SLC39A5: variants seen among roughly 807,000 people sequenced by gnomAD.
SLC39A5 encodes the protein solute carrier family 39 member 5.
Under a neutral mutation model 46.9 loss-of-function variants are expected in SLC39A5, and 42 were observed. That is an observed-to-expected ratio of 0.90 (90% CI 0.70 to 1.16). The LOEUF (loss-of-function observed/expected upper bound fraction) is 1.16, where lower values mean the gene tolerates loss of function less well. Ranked by LOEUF, SLC39A5 falls within the 50% of genes most tolerant of loss-of-function variation. SLC39A5 has a pLI of 0.00. For missense variants in SLC39A5, 677 were observed against 686.8 expected (o/e 0.99, Z 0.16); for synonymous variants, 311 against 323.1 (o/e 0.96, Z 0.40).
intron 5 of SLC39A5, among the ~76,000 whole-genome samples, chr12:56,233,481 A>T (rs904396902): frequency 1.3e-4 from 20 of 151,868 alleles, no homozygotes; most frequent in East Asian, 3.9e-4. Flanking sequence ...AAAAAAATAA[A>T]AAAAAAATAT....
Position 56,236,585 on chromosome 12 carries a change from C to G in SLC39A5, c.1046C>G (p.Pro349Arg). 1 of 1,612,740 alleles carries G rather than the reference C, an allele frequency of 6.2e-7. No individual in the cohort carries two copies. The highest frequency in any genetic ancestry group is 1.1e-5 in the South Asian group (1 of 91,008). ...ALQPLQAAPE[P>R]GAQGQREKNS... Reference sequence around the variant, plus strand: ...TGTCCTGTGCTTCTTCCCGCAGAGCCAGGGGCTCAGGGCCAGAGGGAGAAG... The same window carrying G: ...TGTCCTGTGCTTCTTCCCGCAGAGCGAGGGGCTCAGGGCCAGAGGGAGAAG... The change falls in exon 10 of 13, where the codon CCA (proline) becomes CGA (arginine). Residue 349 changes from proline (P) to arginine (R), a missense_variant. By Grantham distance (103) the Pro-to-Arg change is moderately radical. Transcript: ENST00000454355.
chr12:56,232,654 C>T, intron 4 of SLC39A5, 35 bp from the exon 5 acceptor site: 1 of 1,563,876 alleles, frequency 6.4e-7, no homozygotes. Flanking sequence ...ATAGAGAACA[C>T]AAGGGAGGCT....
Position 56,236,582 on chromosome 12 carries a change from AGCCAGGG to A in SLC39A5, c.1046_1052del (p.Pro349LeufsTer52), listed in dbSNP as rs763290646. 4 of 1,612,836 alleles carry A rather than the reference AGCCAGGG, an allele frequency of 2.5e-6. No homozygotes were observed. The South Asian group carries it at 4.4e-5, about 18-fold the overall frequency. The stretch of plus-strand genomic sequence containing the variant: ...CACTGTCCTGTGCTTCTTCCCGCAG[AGCCAGGG>A]GCTCAGGGCCAGAGGGAGAAGAACA... On this transcript the variant is annotated frameshift_variant and splice_region_variant, in exon 10 of 13. Coordinates refer to ENST00000454355, the MANE Select transcript of SLC39A5 (RefSeq NM_173596.3). LOFTEE classifies it high-confidence loss of function.
intron 7 of SLC39A5, 25 bp downstream of exon 7, chr12:56,235,351 C>G: frequency 6.6e-7 from 1 of 1,507,744 alleles, no homozygotes; most frequent in East Asian, 2.3e-5. Context: ...TTCCTTGTAC[C>G]CCTGGCCTCC....
rs527862211 is a variant in SLC39A5 at position 56,237,012 on chromosome 12, G to A, written c.1288+1G>A. 5.6e-6 allele frequency: 9 copies of A among 1,614,102 alleles called. No homozygotes were observed. The South Asian group carries it at 8.8e-5, about 16-fold the overall frequency. ...TGCCATGAGCTGCCCCACGAACTGGGTAGGAATGGCAGGAGCAGGGTGGGG... is the reference window on the plus strand; with the variant it reads ...TGCCATGAGCTGCCCCACGAACTGGATAGGAATGGCAGGAGCAGGGTGGGG... On this transcript the variant is annotated splice_donor_variant, in intron 11 of 12. Coordinates refer to ENST00000454355, the MANE Select transcript of SLC39A5 (RefSeq NM_173596.3). LOFTEE classifies it high-confidence loss of function.
In SLC39A5 at chr12:56,232,732, C is replaced by T. The variant is rs776565193; in HGVS notation, c.331C>T (p.Pro111Ser). Reference sequence around the variant, plus strand: ...GAGTGTGGATGTCTGGGCAGGGATGCCTCTGGGTCCCTCAGGGTGGGGTGA... The same window carrying T: ...GAGTGTGGATGTCTGGGCAGGGATGTCTCTGGGTCCCTCAGGGTGGGGTGA... Reference protein sequence around the residue: ...ELSVDVWAGMPLGPSGWGDLE... With the variant: ...ELSVDVWAGMSLGPSGWGDLE... Residue 111 changes from proline (P) to serine (S), a missense_variant, in exon 5 of 13, where the codon CCT becomes TCT. By Grantham distance (74) the Pro-to-Ser change is moderately conservative. Coordinates refer to ENST00000454355, the MANE Select transcript of SLC39A5 (RefSeq NM_173596.3). 13 of 1,611,684 alleles carry T rather than the reference C, an allele frequency of 8.1e-6. No homozygotes were observed. The highest frequency in any genetic ancestry group is 1.0e-5 in the Non-Finnish European group (12 of 1,179,190).
chr12:56,233,028 G>A (rs1415789695), intron 5 of SLC39A5, among the ~76,000 whole-genome samples, 156 bp downstream of exon 5: 9 of 152,188 alleles, frequency 5.9e-5, no homozygotes, highest in African/African-American at 2.2e-4. Flanking sequence ...TTGGGAGGCC[G>A]AGGTGGGTGG....
In SLC39A5 at chr12:56,234,909, C is replaced by T. The variant is rs1307259690; in HGVS notation, c.557C>T (p.Pro186Leu). The part of the protein sequence containing the change: ...LTPRQFALLC[P>L]ALLYQIDSRV... ...CCTCGTCAGTTTGCTCTGCTGTGCC[C>T]AGCCCTGCTTTATCAGATCGACAGC... Residue 186 changes from proline (P) to leucine (L), a missense_variant, in exon 6 of 13, where the codon CCA (proline) becomes CTA (leucine). Transcript: ENST00000454355. 6.2e-7 allele frequency: 1 copy of T among 1,613,926 alleles called. No individual in the cohort carries two copies. The highest frequency in any genetic ancestry group is 1.7e-5 in the Admixed American group (1 of 60,030).
Position 56,235,584 on chromosome 12 carries a change from C to A in SLC39A5, c.829C>A (p.Pro277Thr), listed in dbSNP as rs768899468. ...PHAQEGRHAG[P>T]GGLPEKDLGP... The stretch of plus-strand genomic sequence containing the variant: ...GGCACAAGAAGGGCGGCACGCAGGA[C>A]CTGGCGGACTACCAGAGAAGGACCT... The change falls in exon 8 of 13, where the codon CCT (proline) becomes ACT (threonine). Residue 277 changes from proline to threonine, a missense_variant. Transcript: ENST00000454355. 1.4e-5 allele frequency: 23 copies of A among 1,613,990 alleles called. No individual in the cohort carries two copies. The Middle Eastern group carries it at 9.9e-4, about 69-fold the overall frequency.
At chr12:56,232,487 C>T (rs535912546) in intron 4 of SLC39A5, among the ~76,000 whole-genome samples, 50 of 152,180 alleles carry the variant, frequency 3.3e-4, no homozygotes, top group Admixed American at 9.8e-4. Context: ...TTTTGGTTGT[C>T]GTCCTTTTTT....
intron 3 of SLC39A5, 54 bp from the exon 4 acceptor site, chr12:56,231,150 T>C: frequency 9.1e-7 from 1 of 1,101,326 alleles, no homozygotes; most frequent in Non-Finnish European, 1.3e-6. Flanking sequence ...GGCTCCCCCA[T>C]GGACCTGAGC....
chr12:56,234,995 G>C lies in SLC39A5; in HGVS notation c.634+9G>C. On this transcript the variant is annotated intron_variant, in intron 6 of 12. Transcript: ENST00000454355. Reference sequence around the variant, plus strand: ...AGGGGATCTACTATCTGGTCAGCAAGTAGGAGTGGGTGGGGGACACCCTGA... The same window carrying C: ...AGGGGATCTACTATCTGGTCAGCAACTAGGAGTGGGTGGGGGACACCCTGA... The C allele has an allele frequency of 6.2e-7, 1 of 1,612,678 alleles. No homozygotes were observed. Among genetic ancestry groups the C allele is most frequent in the Non-Finnish European group, 8.5e-7 (1 of 1,179,950 alleles).
In SLC39A5 at chr12:56,237,195, T is replaced by G. The variant is rs145213363; in HGVS notation, c.1334T>G (p.Leu445Arg). 2.0e-5 allele frequency: 33 copies of G among 1,613,478 alleles called. No individual in the cohort carries two copies. The highest frequency in any genetic ancestry group is 4.0e-5 in the African/African-American group (3 of 74,918). The part of the protein sequence containing the change: ...LLQSGLSFRR[L>R]LLLSLVSGAL... ...CAGTCAGGGCTGTCCTTTCGGCGGC[T>G]GCTGCTGCTGAGCCTCGTGTCTGGA... The change falls in exon 12 of 13, where the codon CTG becomes CGG. Residue 445 changes from leucine to arginine, a missense_variant. By Grantham distance (102) the Leu-to-Arg change is moderately radical. Transcript: ENST00000454355.
In SLC39A5 at chr12:56,234,896, G is replaced by T. The variant is rs770543779; in HGVS notation, c.544G>T (p.Ala182Ser). 3.7e-6 allele frequency: 6 copies of T among 1,613,864 alleles called. No homozygotes were observed. The highest frequency in any genetic ancestry group is 5.1e-6 in the Non-Finnish European group (6 of 1,180,036). ...TGCTCCTCTGACCCCTCGTCAGTTT[G>T]CTCTGCTGTGCCCAGCCCTGCTTTA... ...PAAPLTPRQF[A>S]LLCPALLYQI... The change falls in exon 6 of 13, where the codon GCT becomes TCT. Residue 182 changes from alanine (A) to serine (S), a missense_variant. By Grantham distance (99) the Ala-to-Ser change is moderately conservative (BLOSUM62 1). Coordinates refer to ENST00000454355, the MANE Select transcript of SLC39A5 (RefSeq NM_173596.3).
chr12:56,237,773 C>A lies in SLC39A5; in HGVS notation c.*42C>A. 6.6e-7 allele frequency: 1 copy of A among 1,504,898 alleles called. No homozygotes were observed. The highest frequency in any genetic ancestry group is 8.9e-7 in the Non-Finnish European group (1 of 1,129,578). The allele number at this position is 1,504,898 out of a possible 1,614,324, so 93.2% of individuals were successfully genotyped here. ...GGGTCGGGTTGCCCTTCCTTCCCCCCAACCACAGGAATGGAGGCGGGACAC... is the reference window on the plus strand; with the variant it reads ...GGGTCGGGTTGCCCTTCCTTCCCCCAAACCACAGGAATGGAGGCGGGACAC... On this transcript the variant is annotated 3_prime_UTR_variant, in exon 13 of 13. Transcript: ENST00000454355.
Position 56,234,925 on chromosome 12 carries a change from G to A in SLC39A5, c.573G>A (p.Gln191=). The change falls in exon 6 of 13, where the codon CAG becomes CAA. Residue 191 remains glutamine, a synonymous_variant. Coordinates refer to ENST00000454355, the MANE Select transcript of SLC39A5 (RefSeq NM_173596.3). ...TGCTGTGCCCAGCCCTGCTTTATCA[G>A]ATCGACAGCCGCGTCTGCATCGGCG... ...FALLCPALLY[Q]IDSRVCIGAP... The A allele has an allele frequency of 1.2e-6, 2 of 1,613,684 alleles. No individual in the cohort carries two copies. Among genetic ancestry groups the A allele is most frequent in the Non-Finnish European group, 1.7e-6 (2 of 1,180,002 alleles).
At position 56,234,927 on chromosome 12, in the gene SLC39A5, T is replaced by TCGACAGCCG; in HGVS notation, c.578_586dup (p.Asp193_Arg195dup). On this transcript the variant is annotated inframe_insertion, in exon 6 of 13. Transcript: ENST00000454355. ...CTGTGCCCAGCCCTGCTTTATCAGATCGACAGCCGCGTCTGCATCGGCGCT... is the reference window on the plus strand; with the variant it reads ...CTGTGCCCAGCCCTGCTTTATCAGATCGACAGCCGCGACAGCCGCGTCTGCATCGGCGCT... The TCGACAGCCG allele has an allele frequency of 1.2e-6, 2 of 1,613,706 alleles. No individual in the cohort carries two copies. The highest frequency in any genetic ancestry group is 1.7e-6 in the Non-Finnish European group (2 of 1,179,996).
chr12:56,236,338 C>T, intron 8 of SLC39A5, 58 bp from the exon 9 acceptor site: 3 of 1,516,558 alleles, frequency 2.0e-6, no homozygotes, highest in Non-Finnish European at 2.7e-6. Flanking sequence ...GGCCTGGCTT[C>T]CCCTTAGTCC....
intron 8 of SLC39A5, 92 bp downstream of exon 8, chr12:56,235,792 C>A: frequency 6.4e-7 from 1 of 1,550,468 alleles, no homozygotes; most frequent in South Asian, 1.1e-5. Context: ...CGCCTGTAAT[C>A]CCAGCACTTT....
Sources: allele counts gnomAD v4.1 joint callset (sites outside exome capture counted in the v4.1 genomes callset), GRCh38; gene constraint gnomAD v4.1.1; transcripts MANE v1.5; gene names NCBI Gene and HGNC (gene_info 2026-07-23, HGNC 2026-07-21).